Variants in SCML2 observed in about 807,000 individuals in gnomAD.
SCML2 encodes the protein sex comb on midleg-like protein 2.
In SCML2, 6 loss-of-function variants were observed where a neutral mutation model predicts 48.4. The ratio of observed to expected loss-of-function variants is 0.12; its 90% CI spans 0.07 to 0.24. The LOEUF (loss-of-function observed/expected upper bound fraction) is 0.24. Among genes scored for constraint, SCML2 ranks in the 10% least tolerant of loss-of-function variants. The pLI, the probability that SCML2 is intolerant of heterozygous loss-of-function variation, is 1.00. For synonymous variants in SCML2, 181 were observed against 189.5 expected (o/e 0.95, Z 0.37); for missense variants, 377 against 528.2 (o/e 0.71, Z 2.81).
chrX:18,283,857 T>C (rs763645657), intron 7 of SCML2, among the ~76,000 whole-genome samples: 2 of 112,559 alleles, frequency 1.8e-5, no homozygotes, highest in East Asian at 5.6e-4. Context: ...ACAGCCATAC[T>C]GTGTAAGGCA....
At chrX:18,333,830 C>A (rs1929727448) in intron 2 of SCML2, among the ~76,000 whole-genome samples, 1 of 111,869 alleles carries the variant, frequency 8.9e-6, no homozygotes, top group Admixed American at 9.5e-5. Flanking sequence ...TGTTGTATGA[C>A]CTTAACCTCT....
intron 6 of SCML2, among the ~76,000 whole-genome samples, chrX:18,317,727 G>A: frequency 9.3e-6 from 1 of 108,022 alleles, no homozygotes; most frequent in East Asian, 2.9e-4. Context: ...CCAGCTACTC[G>A]GGAGGCTGAG....
chrX:18,242,915 G>T (rs1926318214), intron 13 of SCML2, among the ~76,000 whole-genome samples: 1 of 111,935 alleles, frequency 8.9e-6, no homozygotes, highest in Non-Finnish European at 1.9e-5. Flanking sequence ...GGTAAAATTA[G>T]GTTAATCTAA....
At chrX:18,296,391 T>C (rs1928397439) in intron 7 of SCML2, among the ~76,000 whole-genome samples, 1 of 108,657 alleles carries the variant, frequency 9.2e-6, no homozygotes, top group Admixed American at 9.9e-5. Flanking sequence ...AGATAGGTCC[T>C]TTGAAATAGC....
chrX:18,258,034 A>G lies in SCML2; in HGVS notation c.1273+10T>C, dbSNP rs745529261. 4 of 1,176,532 alleles carry G rather than the reference A, an allele frequency of 3.4e-6. No homozygotes were observed. Among genetic ancestry groups the G allele is most frequent in the South Asian group, 3.6e-5 (2 of 55,840 alleles). ...GGGACTGAATTAGACAATGTATTAGATAAGTATACCAGTTATCACTTCTCC... is the reference window on the plus strand; with the variant it reads ...GGGACTGAATTAGACAATGTATTAGGTAAGTATACCAGTTATCACTTCTCC... On this transcript the variant is annotated intron_variant, in intron 10 of 14. Coordinates refer to ENST00000251900, the MANE Select transcript of SCML2 (RefSeq NM_006089.3).
chrX:18,252,613 A>G (rs1177209145), intron 11 of SCML2, among the ~76,000 whole-genome samples: 1 of 112,618 alleles, frequency 8.9e-6, no homozygotes, highest in Non-Finnish European at 1.9e-5. Context: ...TAAGAAAAGC[A>G]TCCTCAAAGT....
At chrX:18,276,415 A>G (rs1323222746) in intron 7 of SCML2, among the ~76,000 whole-genome samples, 1 of 111,894 alleles carries the variant, frequency 8.9e-6, no homozygotes, top group African/African-American at 3.2e-5. Context: ...ACTCATATAT[A>G]TGTGAGTGGA....
At chrX:18,275,967 C>T (rs1927617057) in intron 7 of SCML2, among the ~76,000 whole-genome samples, 1 of 112,335 alleles carries the variant, frequency 8.9e-6, no homozygotes, top group African/African-American at 3.2e-5. Flanking sequence ...CCCTTGTACA[C>T]TGCTAGTGAG....
At chrX:18,351,589 G>T (rs1930376822) in intron 1 of SCML2, among the ~76,000 whole-genome samples, 1 of 107,753 alleles carries the variant, frequency 9.3e-6, no homozygotes, top group South Asian at 4.3e-4. Context: ...CACCCCGAGA[G>T]GGTAGCTAAT....
intron 5 of SCML2, among the ~76,000 whole-genome samples, chrX:18,320,885 C>T (rs923075972): frequency 9.0e-6 from 1 of 111,010 alleles, no homozygotes; most frequent in Admixed American, 9.7e-5. Context: ...TCATTGCATG[C>T]AATTTTACCT....
intron 1 of SCML2, among the ~76,000 whole-genome samples, chrX:18,334,412 G>A (rs1386501458): frequency 9.0e-6 from 1 of 111,569 alleles, no homozygotes; most frequent in Non-Finnish European, 1.9e-5. Flanking sequence ...TGAGTTTTAT[G>A]GTATGCAAAT....
At chrX:18,289,340 C>T (rs1429087332) in intron 7 of SCML2, among the ~76,000 whole-genome samples, 1 of 112,122 alleles carries the variant, frequency 8.9e-6, no homozygotes, top group Non-Finnish European at 1.9e-5. Flanking sequence ...CTCATTTGCA[C>T]AAGCAAAACA....
intron 8 of SCML2, among the ~76,000 whole-genome samples, chrX:18,263,580 A>C (rs1482672171): frequency 9.0e-6 from 1 of 111,727 alleles, no homozygotes; most frequent in Non-Finnish European, 1.9e-5. Context: ...GTTTCATAGA[A>C]AAGAGTAATA....
At chrX:18,241,908 A>G (rs1926278507) in intron 14 of SCML2, among the ~76,000 whole-genome samples, 1 of 112,476 alleles carries the variant, frequency 8.9e-6, no homozygotes, top group Admixed American at 9.5e-5. Flanking sequence ...TTGATTTGTT[A>G]GAAAACACTG....
chrX:18,299,647 T>C, intron 7 of SCML2, among the ~76,000 whole-genome samples: 1 of 109,046 alleles, frequency 9.2e-6, no homozygotes, highest in South Asian at 3.9e-4. Flanking sequence ...AAAACCACAA[T>C]GAGTTATCAT....
chrX:18,313,566 A>G (rs1929026968), intron 6 of SCML2, among the ~76,000 whole-genome samples: 1 of 111,494 alleles, frequency 9.0e-6, no homozygotes, highest in Non-Finnish European at 1.9e-5. Flanking sequence ...GCACTGCTGC[A>G]GCAAAGTCCC....
intron 5 of SCML2, among the ~76,000 whole-genome samples, chrX:18,322,755 G>A (rs148093665): frequency 0.014 from 1,503 of 110,293 alleles, 21 homozygotes; most frequent in African/African-American, 0.046. Context: ...TTAGCCAGGC[G>A]TGGTGGCGGG....
At chrX:18,353,134 G>GAAAAAAAAAA (rs149576101) in intron 1 of SCML2, among the ~76,000 whole-genome samples, 1 of 55,968 alleles carries the variant, frequency 1.8e-5, no homozygotes, top group Non-Finnish European at 3.5e-5. Context: ...CCATTAAATA[G>GAAAAAAAAAA]AAAAAAAAAA....
intron 6 of SCML2, among the ~76,000 whole-genome samples, chrX:18,312,314 A>AGTCCCT (rs1387046141): frequency 9.0e-6 from 1 of 111,075 alleles, no homozygotes; most frequent in Non-Finnish European, 1.9e-5. Flanking sequence ...GATCCACTGA[A>AGTCCCT]GATACCAAAA....
Sources: allele counts gnomAD v4.1 joint callset (sites outside exome capture counted in the v4.1 genomes callset), GRCh38; gene constraint gnomAD v4.1.1; transcripts MANE v1.5; gene names NCBI Gene and HGNC (gene_info 2026-07-23, HGNC 2026-07-21).